The following MYRFL variants were observed in gnomAD, a reference collection of about 807,000 sequenced individuals.
The protein encoded by MYRFL is myelin regulatory factor like, also known as myelin regulatory factor-like protein.
MYRFL carries 88 observed loss-of-function variants against 109.4 expected under a neutral mutation model. The observed-to-expected ratio is 0.80, with a 90% CI of 0.68 to 0.96. MYRFL has a LOEUF of 0.96. MYRFL is among the 40% of genes least tolerant of loss of function. The pLI is 0.00. For synonymous variants in MYRFL, 324 were observed against 320.9 expected (o/e 1.01, Z -0.10); for missense variants, 957 against 954.9 (o/e 1.00, Z -0.03).
chr12:69,845,571 T>C (rs1181949056), intron 1 of MYRFL, among the ~76,000 whole-genome samples: 28 of 152,248 alleles, frequency 1.8e-4, no homozygotes, highest in Admixed American at 1.8e-3. Context: ...AATTCTAAAA[T>C]GTAGAGAAAG....
chr12:69,899,538 A>C (rs1482198627), intron 10 of MYRFL, among the ~76,000 whole-genome samples: 3 of 152,224 alleles, frequency 2.0e-5, no homozygotes, highest in Non-Finnish European at 4.4e-5. Context: ...AAATTTGACA[A>C]AGACACTACA....
rs533197686 is a variant in MYRFL at position 69,856,493 on chromosome 12, G to T, written c.137+1123G>T. 2.4e-3 allele frequency among the ~76,000 whole-genome samples: 372 copies of T among 152,118 alleles called. 1 individual carries two copies. Among genetic ancestry groups the T allele is most frequent in the Non-Finnish European group, 4.4e-3 (300 of 67,916 alleles). On this transcript the variant is annotated intron_variant, in intron 2 of 24. Coordinates refer to ENST00000552032, the MANE Select transcript of MYRFL (RefSeq NM_182530.3). ...AAATATCCACATTTTTAGAGTGGTGGTACCACTTTGTGTTGTTAGCAATGC... is the reference window on the plus strand; with the variant it reads ...AAATATCCACATTTTTAGAGTGGTGTTACCACTTTGTGTTGTTAGCAATGC...
chr12:69,940,551 A>T (rs1327108342), intron 19 of MYRFL, among the ~76,000 whole-genome samples: 1 of 152,052 alleles, frequency 6.6e-6, no homozygotes, highest in East Asian at 1.9e-4. Context: ...TCCTGAAGGA[A>T]GTGCTAAACA....
chr12:69,955,368 G>T lies in MYRFL; in HGVS notation c.2381G>T (p.Gly794Val). 1 of 633,582 alleles carries T rather than the reference G, an allele frequency of 1.6e-6. No homozygotes were observed. Among genetic ancestry groups the T allele is most frequent in the South Asian group, 1.9e-5 (1 of 53,436 alleles). 39.2% of individuals were successfully genotyped at this position (633,582 alleles called of 1,614,324 possible). A position where few individuals can be genotyped will look rare whatever the true frequency, so the allele number is the denominator to read the frequency against. ...YCIQSLQCGS[G>V]NYNYNIPVNK... ...TATTTTCTTTCCATAATTAGATCTG[G>T]AAATTATAATTACAATATTCCTGTT... Residue 794 changes from glycine (G) to valine (V), a missense_variant, in exon 22 of 25, where the codon GGA becomes GTA. Gly to Val is a moderately radical substitution (Grantham distance 109). Transcript: ENST00000552032.
At chr12:69,857,159 A>G (rs1186739992) in intron 2 of MYRFL, among the ~76,000 whole-genome samples, 1 of 151,882 alleles carries the variant, frequency 6.6e-6, no homozygotes, top group East Asian at 1.9e-4. Context: ...GCACAGTTGT[A>G]AAAAATCAAT....
intron 11 of MYRFL, among the ~76,000 whole-genome samples, chr12:69,906,826 G>T (rs151021999): frequency 6.6e-6 from 1 of 152,358 alleles, no homozygotes; most frequent in East Asian, 1.9e-4. Flanking sequence ...TCCCTGAACA[G>T]ACTGAGTCCC....
rs908732550 is a variant in MYRFL, at chr12:69,879,302, T to C, written c.313T>C (p.Ser105Pro). 13 of 702,686 alleles carry C rather than the reference T, an allele frequency of 1.9e-5. No homozygotes were observed. The highest frequency in any genetic ancestry group is 3.4e-5 in the Non-Finnish European group (13 of 384,826). 43.5% of individuals were successfully genotyped at this position (702,686 alleles called of 1,614,324 possible). Residue 105 changes from serine (S) to proline (P), a missense_variant, in exon 4 of 25, where the codon TCT (serine) becomes CCT (proline). Transcript: ENST00000552032. ...MPPMHPLQST[S>P]GMGDSCQIHG... ...GCCCATGCACCCGCTGCAGAGCACC[T>C]CTGGAATGGGCGACTCCTGCCAAAT...
intron 2 of MYRFL, among the ~76,000 whole-genome samples, chr12:69,869,192 T>C (rs1280304823): frequency 6.6e-6 from 1 of 152,146 alleles, no homozygotes; most frequent in Non-Finnish European, 1.5e-5. Context: ...CCAAGGGCAG[T>C]GTGGTGGGTA....
rs1566035316 is a variant in MYRFL, at chr12:69,932,573, A to G, written c.1891A>G (p.Thr631Ala). 2 of 1,535,914 alleles carry G rather than the reference A, an allele frequency of 1.3e-6. No individual in the cohort carries two copies. The highest frequency in any genetic ancestry group is 1.7e-6 in the Non-Finnish European group (2 of 1,146,800). ...TTGGGTTTTCCAGACCTTGGTTATAACTCTGATTGCTGTGATGGCATTTTG... is the reference window on the plus strand; with the variant it reads ...TTGGGTTTTCCAGACCTTGGTTATAGCTCTGATTGCTGTGATGGCATTTTG... ...PNWVFQTLVI[T>A]LIAVMAFCAL... The change falls in exon 16 of 25, where the codon ACT becomes GCT. Residue 631 changes from threonine to alanine, a missense_variant. Coordinates refer to ENST00000552032, the MANE Select transcript of MYRFL (RefSeq NM_182530.3).
At chr12:69,849,515 C>T (rs1883757748) in intron 1 of MYRFL, among the ~76,000 whole-genome samples, 1 of 152,110 alleles carries the variant, frequency 6.6e-6, no homozygotes, top group Non-Finnish European at 1.5e-5. Flanking sequence ...CATGAAAATA[C>T]TTTGGATACT....
At chr12:69,876,101 C>G (rs559276956) in intron 2 of MYRFL, among the ~76,000 whole-genome samples, 71 of 152,216 alleles carry the variant, frequency 4.7e-4, no homozygotes, top group African/African-American at 1.7e-3. Context: ...TCCAGGGGTC[C>G]CCTGCTCTTA....
chr12:69,866,345 T>C (rs937777043), intron 2 of MYRFL, among the ~76,000 whole-genome samples: 13 of 151,888 alleles, frequency 8.6e-5, no homozygotes, highest in Admixed American at 8.5e-4. Flanking sequence ...AAAATCTCAG[T>C]GAGAACAAGC....
intron 5 of MYRFL, among the ~76,000 whole-genome samples, chr12:69,882,791 A>G (rs1195928443): frequency 1.3e-5 from 2 of 152,156 alleles, no homozygotes; most frequent in African/African-American, 2.4e-5. Context: ...ATCTTCTCTT[A>G]TTTTGAACCT....
chr12:69,864,957 A>G (rs1329789402), intron 2 of MYRFL, among the ~76,000 whole-genome samples: 1 of 152,218 alleles, frequency 6.6e-6, no homozygotes, highest in Non-Finnish European at 1.5e-5. Context: ...TGGGTTCTGT[A>G]TAATCATCTA....
intron 1 of MYRFL, among the ~76,000 whole-genome samples, chr12:69,853,878 G>T (rs550655040): frequency 6.6e-6 from 1 of 151,888 alleles, no homozygotes; most frequent in East Asian, 2.0e-4. Flanking sequence ...CGGTGGGGCA[G>T]AGGGGCTCCT....
chr12:69,930,814 A>G (rs1264432396), intron 15 of MYRFL, among the ~76,000 whole-genome samples: 3 of 13,962 alleles, frequency 2.1e-4, no homozygotes, highest in South Asian at 1.4e-3. Flanking sequence ...CCTATCTAAG[A>G]AAAAAAAAAA....
intron 1 of MYRFL, among the ~76,000 whole-genome samples, chr12:69,848,254 T>G (rs149707045): frequency 6.6e-6 from 1 of 152,182 alleles, no homozygotes; most frequent in East Asian, 1.9e-4. Context: ...ACTCACATGT[T>G]TTTTATTATC....
chr12:69,840,589 C>T (rs1310314716), intron 1 of MYRFL, among the ~76,000 whole-genome samples: 2 of 152,242 alleles, frequency 1.3e-5, no homozygotes, highest in Admixed American at 6.5e-5. Context: ...GTGCCTAGCA[C>T]ACTGCTCTTC....
intron 2 of MYRFL, among the ~76,000 whole-genome samples, chr12:69,861,586 G>C (rs556543619): frequency 6.6e-6 from 1 of 152,286 alleles, no homozygotes; most frequent in African/African-American, 2.4e-5. Flanking sequence ...CCCACTTTTT[G>C]ATGGGGTTGT....
Sources: allele counts gnomAD v4.1 joint callset (sites outside exome capture counted in the v4.1 genomes callset), GRCh38; gene constraint gnomAD v4.1.1; transcripts MANE v1.5; gene names NCBI Gene and HGNC (gene_info 2026-07-23, HGNC 2026-07-21).